Variants in SATB2 observed in about 807,000 individuals in gnomAD.
SATB2 encodes the protein DNA-binding protein SATB2.
A neutral mutation model predicts 73.4 loss-of-function variants in SATB2; 1 was observed. That is an observed-to-expected ratio of 0.01 (90% CI 0.00 to 0.06). The LOEUF (loss-of-function observed/expected upper bound fraction) is 0.06. Among genes scored for constraint, SATB2 ranks in the 10% least tolerant of loss-of-function variants. The probability of loss-of-function intolerance (pLI) is 1.00; values close to 1 mark genes in which losing one functional copy is unlikely to be tolerated. For synonymous variants in SATB2, 397 were observed against 367.0 expected (o/e 1.08, Z -0.93); for missense variants, 459 against 945.8 (o/e 0.49, Z 6.75).
In SATB2 at chr2:199,455,936, C is replaced by T; in HGVS notation, c.102G>A (p.Leu34=). 6.5e-7 allele frequency: 1 copy of T among 1,537,796 alleles called. No individual in the cohort carries two copies. The highest frequency in any genetic ancestry group is 8.7e-7 in the Non-Finnish European group (1 of 1,147,416). ...CTCCCATGGGGCTGCCGTTCTGCTC[C>T]AGCCGGGCCACCTTCACTGGGGGAG... ...KGPPPVKVAR[L]EQNGSPMGAR... Residue 34 remains leucine, a synonymous_variant, in exon 2 of 11, where the codon CTG becomes CTA. Coordinates refer to ENST00000417098, the MANE Select transcript of SATB2 (RefSeq NM_001172509.2). The surrounding 1 kb of genome is among the most constrained non-coding windows in gnomAD (Gnocchi z 4.1).
intron 7 of SATB2, among the ~76,000 whole-genome samples, chr2:199,338,683 T>C (rs922645332): frequency 1.3e-5 from 2 of 152,004 alleles, no homozygotes; most frequent in African/African-American, 4.8e-5. Flanking sequence ...TTTGGGAAGC[T>C]GAGGTGGGTG....
At chr2:199,357,931 CACA>C (rs1689034332) in intron 6 of SATB2, among the ~76,000 whole-genome samples, 1 of 152,062 alleles carries the variant, frequency 6.6e-6, no homozygotes. Context: ...TATGCACACT[CACA>C]TAATATAACA....
intron 2 of SATB2, among the ~76,000 whole-genome samples, chr2:199,443,963 A>C (rs1574634966): frequency 6.6e-6 from 1 of 152,300 alleles, no homozygotes; most frequent in African/African-American, 2.4e-5. Context: ...AGTTAATAAA[A>C]CCCAGCCTAC....
At chr2:199,426,028 T>A (rs1290248511) in intron 3 of SATB2, among the ~76,000 whole-genome samples, 3 of 152,162 alleles carry the variant, frequency 2.0e-5, no homozygotes, top group Non-Finnish European at 4.4e-5. Context: ...TAACAGCAAT[T>A]TGGGGTAGCA....
chr2:199,325,178 G>T (rs762591440), intron 8 of SATB2: 1 of 152,000 alleles, frequency 6.6e-6, no homozygotes, highest in Non-Finnish European at 1.5e-5. Flanking sequence ...TCTAATTACC[G>T]CAAAGCAATA....
At chr2:199,338,384 GAA>G (rs11339019) in intron 7 of SATB2, among the ~76,000 whole-genome samples, 28 of 146,290 alleles carry the variant, frequency 1.9e-4, no homozygotes, top group East Asian at 6.2e-4. Flanking sequence ...AAACAAACAA[GAA>G]AAAAAAAAAA....
chr2:199,386,053 T>G (rs1689922474), intron 3 of SATB2, among the ~76,000 whole-genome samples: 1 of 152,156 alleles, frequency 6.6e-6, no homozygotes, highest in Admixed American at 6.5e-5. Flanking sequence ...AGTTTCTTAG[T>G]GTACACATAA....
Position 199,304,551 on chromosome 2 carries a change from A to G in SATB2, c.1740+4209T>C, listed in dbSNP as rs561858982. Among the ~76,000 whole-genome samples the G allele has an allele frequency of 9.2e-5, 14 of 152,084 alleles. 1 individual carries two copies. The highest frequency in any genetic ancestry group is 4.6e-4 in the Admixed American group (7 of 15,256). On this transcript the variant is annotated intron_variant, in intron 10 of 10. Coordinates refer to ENST00000417098, the MANE Select transcript of SATB2 (RefSeq NM_001172509.2). ...GAAATTTTAATACCAGAGAGATATT[A>G]TCTCTTTATGTACCAAGTTCCCTTG... is the stretch of plus-strand genomic sequence containing the variant.
At position 199,323,913 on chromosome 2, in the gene SATB2, C is replaced by A; in HGVS notation, c.1432G>T (p.Gly478Cys). The change falls in exon 9 of 11, where the codon GGC (glycine) becomes TGC (cysteine). Residue 478 changes from glycine (G) to cysteine (C), a missense_variant. By Grantham distance (159) the Gly-to-Cys change is radical (BLOSUM62 -3). Coordinates refer to ENST00000417098, the MANE Select transcript of SATB2 (RefSeq NM_001172509.2). ...PTTDLPIKVDGANINITAAIY... is the reference protein window; with the variant it reads ...PTTDLPIKVDCANINITAAIY... Reference sequence around the variant, plus strand: ...GCAGCTGTGATGTTGATGTTGGCGCCGTCCACCTTAATAGGGAGGTCTGTT... The same window carrying A: ...GCAGCTGTGATGTTGATGTTGGCGCAGTCCACCTTAATAGGGAGGTCTGTT... 1.2e-6 allele frequency: 2 copies of A among 1,613,338 alleles called. No homozygotes were observed. The highest frequency in any genetic ancestry group is 4.5e-5 in the East Asian group (2 of 44,844).
intron 7 of SATB2, among the ~76,000 whole-genome samples, chr2:199,331,905 T>C (rs2105799489): frequency 6.6e-6 from 1 of 152,254 alleles, no homozygotes; most frequent in African/African-American, 2.4e-5. Context: ...CTCACATAAA[T>C]ATTTCTAAAG....
At chr2:199,285,723 T>TAA (rs1181463813) in intron 10 of SATB2, among the ~76,000 whole-genome samples, 6 of 137,528 alleles carry the variant, frequency 4.4e-5, no homozygotes, top group African/African-American at 1.6e-4. Flanking sequence ...GAGAGGGATT[T>TAA]AAAAAAAAAA....
At chr2:199,314,164 T>C (rs892362789) in intron 9 of SATB2, among the ~76,000 whole-genome samples, 1 of 152,170 alleles carries the variant, frequency 6.6e-6, no homozygotes, top group Non-Finnish European at 1.5e-5. Context: ...ATCAGAACAG[T>C]TAGCTTCTTG....
At chr2:199,375,468 T>C (rs1157486091) in intron 5 of SATB2, among the ~76,000 whole-genome samples, 3 of 152,182 alleles carry the variant, frequency 2.0e-5, no homozygotes, top group Non-Finnish European at 4.4e-5. Flanking sequence ...ACTTCCCTGT[T>C]TTAAATATAT....
intron 5 of SATB2, among the ~76,000 whole-genome samples, chr2:199,371,024 T>G (rs1689431536): frequency 6.6e-6 from 1 of 151,748 alleles, no homozygotes; most frequent in Admixed American, 6.6e-5. Flanking sequence ...TCTGTTTGAG[T>G]TTATGACACA....
At chr2:199,349,594 C>A (rs1395793575) in intron 6 of SATB2, among the ~76,000 whole-genome samples, 1 of 152,106 alleles carries the variant, frequency 6.6e-6, no homozygotes, top group African/African-American at 2.4e-5. Context: ...ACATCTCCTG[C>A]CAAATTAAGT....
intron 7 of SATB2, among the ~76,000 whole-genome samples, chr2:199,333,719 A>T (rs1373801160): frequency 2.0e-5 from 3 of 152,178 alleles, no homozygotes; most frequent in Non-Finnish European, 4.4e-5. Context: ...CCCCAAAATG[A>T]AGTGATATTA....
chr2:199,340,514 C>T (rs540212068), intron 7 of SATB2, among the ~76,000 whole-genome samples: 1 of 152,238 alleles, frequency 6.6e-6, no homozygotes, highest in South Asian at 2.1e-4. Flanking sequence ...AAACATGTTT[C>T]CAAGAACCGG....
chr2:199,306,895 T>A (rs887124111), intron 10 of SATB2, among the ~76,000 whole-genome samples: 1 of 152,240 alleles, frequency 6.6e-6, no homozygotes, highest in Non-Finnish European at 1.5e-5. Flanking sequence ...GTTTCCAACT[T>A]TATCACCATC....
At chr2:199,321,916 C>T (rs2105786696) in intron 9 of SATB2, among the ~76,000 whole-genome samples, 1 of 152,234 alleles carries the variant, frequency 6.6e-6, no homozygotes, top group South Asian at 2.1e-4. Flanking sequence ...CTCACTTAAG[C>T]TCAATCTTAC....
Sources: gnomAD v4.1 joint callset for allele counts (sites outside exome capture counted in the v4.1 genomes callset) on GRCh38, gnomAD v4.1.1 for gene constraint, Gnocchi (gnomAD v3.1) non-coding constraint, MANE v1.5 for transcripts, NCBI Gene and HGNC (gene_info 2026-07-23, HGNC 2026-07-21) for gene names.